DLG2: variants seen among roughly 807,000 people sequenced by gnomAD.
DLG2 encodes disks large homolog 2.
DLG2 carries 45 observed loss-of-function variants against 132.5 expected under a neutral mutation model. That is an observed-to-expected ratio of 0.34 (90% CI 0.27 to 0.44). The LOEUF is 0.44. DLG2 is among the 20% of genes least tolerant of loss of function. The pLI, the probability that DLG2 is intolerant of heterozygous loss-of-function variation, is 1.00. For synonymous variants in DLG2, 424 were observed against 419.6 expected (o/e 1.01, Z -0.13); for missense variants, 1,045 against 1,196.9 (o/e 0.87, Z 1.87).
chr11:85,180,336 G>A (rs959770047), intron 4 of DLG2, among the ~76,000 whole-genome samples: 1 of 151,748 alleles, frequency 6.6e-6, no homozygotes, highest in Non-Finnish European at 1.5e-5. Flanking sequence ...ATAACTGTAT[G>A]TCATTTTGTT....
At chr11:84,129,987 A>G (rs2094348772) in intron 9 of DLG2, among the ~76,000 whole-genome samples, 1 of 152,114 alleles carries the variant, frequency 6.6e-6, no homozygotes, top group South Asian at 2.1e-4. Flanking sequence ...TAAAGAAAGT[A>G]CAAACACAAT....
intron 7 of DLG2, among the ~76,000 whole-genome samples, chr11:84,301,927 A>G (rs1414695303): frequency 1.3e-5 from 2 of 152,222 alleles, no homozygotes; most frequent in Non-Finnish European, 2.9e-5. Flanking sequence ...TATTCACAGT[A>G]GCAAAGACTT....
chr11:84,932,034 A>C (rs1044465601), intron 6 of DLG2, among the ~76,000 whole-genome samples: 1 of 152,080 alleles, frequency 6.6e-6, no homozygotes, highest in Non-Finnish European at 1.5e-5. Context: ...TGTTGAATGA[A>C]TACTTTGCAA....
chr11:85,185,530 T>C (rs1011750178), intron 4 of DLG2, among the ~76,000 whole-genome samples: 10 of 151,994 alleles, frequency 6.6e-5, no homozygotes, highest in African/African-American at 2.4e-4. Context: ...AGTATCTCAT[T>C]GTGAGAGCAG....
intron 18 of DLG2, among the ~76,000 whole-genome samples, chr11:83,754,844 A>C (rs1762554234): frequency 6.6e-6 from 1 of 151,504 alleles, no homozygotes; most frequent in Non-Finnish European, 1.5e-5. Flanking sequence ...CCCAGGATGA[A>C]AAATATGTAA....
At chr11:84,591,819 T>C (rs1439328401) in intron 6 of DLG2, among the ~76,000 whole-genome samples, 1 of 152,106 alleles carries the variant, frequency 6.6e-6, no homozygotes, top group African/African-American at 2.4e-5. Context: ...AGAATCTCTG[T>C]GGGGGTAGGA....
At chr11:84,064,339 C>T (rs948653819) in intron 10 of DLG2, among the ~76,000 whole-genome samples, 6 of 152,108 alleles carry the variant, frequency 3.9e-5, no homozygotes, top group African/African-American at 1.4e-4. Context: ...CTTTAAAAAG[C>T]ACATTTCTAC....
intron 15 of DLG2, among the ~76,000 whole-genome samples, chr11:83,889,759 C>T (rs2154084332): frequency 6.6e-6 from 1 of 152,174 alleles, no homozygotes; most frequent in African/African-American, 2.4e-5. Context: ...CACATATACA[C>T]CATGGAATAC....
chr11:84,105,446 A>G (rs183455311), intron 9 of DLG2, among the ~76,000 whole-genome samples: 15 of 152,302 alleles, frequency 9.8e-5, no homozygotes, highest in African/African-American at 3.4e-4. Flanking sequence ...TGTTAGTTCA[A>G]TTCCTTTGGT....
chr11:83,577,509 TTA>T (rs1211594819), intron 19 of DLG2, among the ~76,000 whole-genome samples: 2 of 128,452 alleles, frequency 1.6e-5, no homozygotes, highest in East Asian at 2.2e-4. Flanking sequence ...ATAGGATATA[TTA>T]TATATATATG....
intron 6 of DLG2, among the ~76,000 whole-genome samples, chr11:84,856,928 G>C (rs1283293513): frequency 6.6e-6 from 1 of 151,962 alleles, no homozygotes; most frequent in African/African-American, 2.4e-5. Context: ...AGTTATTGAG[G>C]AAGTAAAAGA....
intron 6 of DLG2, among the ~76,000 whole-genome samples, chr11:84,814,393 A>G (rs1046499904): frequency 6.6e-6 from 1 of 152,086 alleles, no homozygotes; most frequent in Non-Finnish European, 1.5e-5. Flanking sequence ...TGGATTTCAG[A>G]CACCCATAGC....
At chr11:85,538,176 T>C (rs542751030) in intron 3 of DLG2, among the ~76,000 whole-genome samples, 84 of 151,882 alleles carry the variant, frequency 5.5e-4, no homozygotes, top group Non-Finnish European at 1.0e-3. Flanking sequence ...TGAGGGTCCA[T>C]GGCTTCATTC....
chr11:84,318,617 A>G (rs1361699857), intron 7 of DLG2, among the ~76,000 whole-genome samples: 1 of 152,204 alleles, frequency 6.6e-6, no homozygotes, highest in Non-Finnish European at 1.5e-5. Context: ...TGGATAAATC[A>G]CTGTTAGACT....
chr11:84,461,243 A>C (rs2099079388), intron 7 of DLG2, among the ~76,000 whole-genome samples: 1 of 150,954 alleles, frequency 6.6e-6, no homozygotes, highest in African/African-American at 2.4e-5. Flanking sequence ...CAAACTTTTC[A>C]AGGAAGATGT....
chr11:84,928,044 G>A (rs2047611198), intron 6 of DLG2, among the ~76,000 whole-genome samples: 1 of 151,874 alleles, frequency 6.6e-6, no homozygotes, highest in South Asian at 2.1e-4. Flanking sequence ...ACAAAAAATA[G>A]GAAGATATCA....
At chr11:84,030,171 T>C (rs761908768) in intron 11 of DLG2, among the ~76,000 whole-genome samples, 36 of 152,158 alleles carry the variant, frequency 2.4e-4, no homozygotes, top group Non-Finnish European at 1.2e-4. Context: ...TTCTAGTAAC[T>C]TAACTTTTCT....
chr11:84,467,439 G>A (rs1157130496), intron 7 of DLG2, among the ~76,000 whole-genome samples: 2 of 151,536 alleles, frequency 1.3e-5, no homozygotes, highest in South Asian at 4.1e-4. Flanking sequence ...GCAAGCTAGA[G>A]AGAGTAAACG....
intron 6 of DLG2, among the ~76,000 whole-genome samples, chr11:84,943,411 T>A (rs946435403): frequency 3.3e-5 from 5 of 152,026 alleles, no homozygotes; most frequent in Non-Finnish European, 7.4e-5. Flanking sequence ...CATCCCTTCC[T>A]CCCTTCCTTC....
Sources: gnomAD v4.1 joint callset for allele counts (sites outside exome capture counted in the v4.1 genomes callset) on GRCh38, gnomAD v4.1.1 for gene constraint, MANE v1.5 for transcripts, NCBI Gene and HGNC (gene_info 2026-07-23, HGNC 2026-07-21) for gene names.